Variants in DRD3 observed in about 807,000 individuals in gnomAD.
The protein encoded by DRD3 is dopamine receptor D3, also known as D(3) dopamine receptor.
Under a neutral mutation model 36.3 loss-of-function variants are expected in DRD3, and 19 were observed. The ratio of observed to expected loss-of-function variants is 0.52; its 90% CI spans 0.36 to 0.77. The LOEUF (loss-of-function observed/expected upper bound fraction) is 0.77, where lower values mean the gene tolerates loss of function less well. Among genes scored for constraint, DRD3 ranks in the 30% least tolerant of loss-of-function variants. The pLI, the probability that DRD3 is intolerant of heterozygous loss-of-function variation, is 0.00. For synonymous variants in DRD3, 195 were observed against 203.7 expected, an observed-to-expected ratio of 0.96 and a Z score of 0.36; for missense variants, 465 against 505.3, an observed-to-expected ratio of 0.92 and a Z score of 0.77.
intron 1 of DRD3, among the ~76,000 whole-genome samples, chr3:114,198,156 G>A (rs2078047027): frequency 6.6e-6 from 1 of 151,352 alleles, no homozygotes; most frequent in East Asian, 1.9e-4. Flanking sequence ...TATATCTTTT[G>A]TCAGATGTAT....
intron 6 of DRD3, among the ~76,000 whole-genome samples, chr3:114,130,672 C>A (rs1259640761): frequency 6.6e-6 from 1 of 152,110 alleles, no homozygotes; most frequent in Non-Finnish European, 1.5e-5. Context: ...ATCTGCCCAC[C>A]TCGGCCTCCC....
chr3:114,169,114 A>G (rs2077814772), intron 2 of DRD3, among the ~76,000 whole-genome samples: 1 of 152,076 alleles, frequency 6.6e-6, no homozygotes, highest in Non-Finnish European at 1.5e-5. Flanking sequence ...AGGACAAGTT[A>G]GTGAGAATAA....
At chr3:114,136,664 C>A (rs1316145445) in intron 5 of DRD3, among the ~76,000 whole-genome samples, 1 of 152,188 alleles carries the variant, frequency 6.6e-6, no homozygotes. Context: ...AAGTCATTAA[C>A]TATACTGAGA....
intron 5 of DRD3, among the ~76,000 whole-genome samples, chr3:114,138,601 C>A (rs548150494): frequency 6.6e-6 from 1 of 152,140 alleles, no homozygotes; most frequent in African/African-American, 2.4e-5. Context: ...GTGGGAGCTA[C>A]AATTCAAGAT....
At position 114,171,960 on chromosome 3, in the gene DRD3, C is replaced by G; in HGVS notation, c.33G>C (p.Leu11=). MASLSQLSGH[L]NYTCGAENST... Reference sequence around the variant, plus strand: ...AGTTCTCTGCCCCACAGGTGTAGTTCAGGTGGCCACTCAGCTGGCTCAGAG... The same window carrying G: ...AGTTCTCTGCCCCACAGGTGTAGTTGAGGTGGCCACTCAGCTGGCTCAGAG... The change falls in exon 2 of 7, where the codon CTG becomes CTC. Residue 11 remains leucine (L), a synonymous_variant. Transcript: ENST00000383673. 6.5e-7 allele frequency: 1 copy of G among 1,536,382 alleles called. No homozygotes were observed. The highest frequency in any genetic ancestry group is 2.4e-5 in the East Asian group (1 of 41,468).
chr3:114,130,426 A>ATTT (rs61072823), intron 6 of DRD3, among the ~76,000 whole-genome samples: 1,757 of 137,126 alleles, frequency 0.013, 37 homozygotes, highest in African/African-American at 0.038. Flanking sequence ...AATAATCTAG[A>ATTT]TTTTTTTTTT....
At chr3:114,177,521 A>C (rs185025764) in intron 1 of DRD3, among the ~76,000 whole-genome samples, 5 of 152,316 alleles carry the variant, frequency 3.3e-5, no homozygotes, top group African/African-American at 1.2e-4. Context: ...CTCAGCAAAT[A>C]AATCAATCAA....
intron 5 of DRD3, among the ~76,000 whole-genome samples, chr3:114,134,909 A>C (rs2077462210): frequency 1.3e-5 from 2 of 152,230 alleles, no homozygotes; most frequent in African/African-American, 4.8e-5. Flanking sequence ...TCAAACAATT[A>C]TCATTTCTTT....
chr3:114,133,224 T>G (rs576759164), intron 5 of DRD3, among the ~76,000 whole-genome samples: 5 of 152,266 alleles, frequency 3.3e-5, no homozygotes, highest in Admixed American at 6.5e-5. Flanking sequence ...CCTGACCTCA[T>G]GTGATCTGCC....
At chr3:114,186,470 A>T (rs1355475373) in intron 1 of DRD3, among the ~76,000 whole-genome samples, 4 of 152,208 alleles carry the variant, frequency 2.6e-5, no homozygotes, top group Non-Finnish European at 5.9e-5. Flanking sequence ...GGAGGGGCTT[A>T]TAACAGTGGG....
At position 114,159,719 on chromosome 3, in the gene DRD3, C is replaced by G. The variant is rs200616464; in HGVS notation, c.383+36G>C. The stretch of plus-strand genomic sequence containing the variant: ...AATCTGTCTCTCCCCACTTCCCCAG[C>G]TTTTGGGCCACCTGGAAGGGGAATT... On this transcript the variant is annotated intron_variant, in intron 3 of 6. Coordinates refer to ENST00000383673, the MANE Select transcript of DRD3 (RefSeq NM_000796.6). 7 of 1,596,330 alleles carry G rather than the reference C, an allele frequency of 4.4e-6. No homozygotes were observed. In the South Asian group the frequency reaches 7.7e-5, roughly 18 times the overall value.
In DRD3 at chr3:114,128,519, T is replaced by C. The variant is rs113226712; in HGVS notation, c.*197A>G. 21 of 462,662 alleles carry C rather than the reference T, an allele frequency of 4.5e-5. No homozygotes were observed. Among genetic ancestry groups the C allele is most frequent in the African/African-American group, 2.0e-4 (10 of 51,000 alleles). The allele number at this position is 462,662 out of a possible 1,614,324, so 28.7% of individuals were successfully genotyped here. ...CCCAGTCATTTGAAGATTGTCAGAA[T>C]GAAGTCAGATTTTAGCTGGGGAGGT... On this transcript the variant is annotated 3_prime_UTR_variant, in exon 7 of 7. Transcript: ENST00000383673.
chr3:114,164,810 G>A (rs1577611687), intron 2 of DRD3, among the ~76,000 whole-genome samples: 1 of 152,162 alleles, frequency 6.6e-6, no homozygotes, highest in African/African-American at 2.4e-5. Flanking sequence ...GGAGTGCAGT[G>A]GCACAATCTC....
intron 3 of DRD3, among the ~76,000 whole-genome samples, chr3:114,154,916 T>C (rs1178641084): frequency 3.3e-5 from 5 of 151,928 alleles, no homozygotes; most frequent in Admixed American, 3.3e-4. Flanking sequence ...GCTAAAGGAG[T>C]GGGGGCTTGT....
intron 1 of DRD3, among the ~76,000 whole-genome samples, chr3:114,190,769 C>T (rs2078007024): frequency 6.6e-6 from 1 of 151,900 alleles, no homozygotes; most frequent in African/African-American, 2.4e-5. Context: ...AGAACATGCA[C>T]ATCTGCCTAA....
At chr3:114,169,073 G>A (rs1293379775) in intron 2 of DRD3, among the ~76,000 whole-genome samples, 2 of 151,788 alleles carry the variant, frequency 1.3e-5, no homozygotes, top group African/African-American at 2.4e-5. Flanking sequence ...TAAGTAATTA[G>A]TAGAGTAGCT....
intron 5 of DRD3, among the ~76,000 whole-genome samples, chr3:114,131,645 G>A (rs566481599): frequency 9.9e-5 from 15 of 152,276 alleles, no homozygotes; most frequent in Non-Finnish European, 1.6e-4. Context: ...TACAGAATGG[G>A]AGAAAATTTT....
chr3:114,145,078 A>G (rs2077558994), intron 4 of DRD3, among the ~76,000 whole-genome samples: 1 of 152,036 alleles, frequency 6.6e-6, no homozygotes, highest in African/African-American at 2.4e-5. Flanking sequence ...GTGAGAGTGA[A>G]TAAGACCGCC....
intron 6 of DRD3, 122 bp downstream of exon 6, chr3:114,130,996 T>G: frequency 8.2e-7 from 1 of 1,226,050 alleles, no homozygotes; most frequent in South Asian, 1.6e-5. Context: ...ACTTTTCAAT[T>G]ATATTGTGAA....
Sources: gnomAD v4.1 joint callset for allele counts (sites outside exome capture counted in the v4.1 genomes callset) on GRCh38, gnomAD v4.1.1 for gene constraint, MANE v1.5 for transcripts, NCBI Gene and HGNC (gene_info 2026-07-23, HGNC 2026-07-21) for gene names.